CMSS1: variants seen among roughly 807,000 people sequenced by gnomAD.
CMSS1 encodes the protein protein CMSS1.
In CMSS1, 33 loss-of-function variants were observed where a neutral mutation model predicts 43.5. The ratio of observed to expected loss-of-function variants is 0.76; its 90% CI spans 0.57 to 1.01. The LOEUF (loss-of-function observed/expected upper bound fraction) is 1.01. Among genes scored for constraint, CMSS1 ranks in the 50% least tolerant of loss-of-function variants. CMSS1 has a pLI of 0.00. For synonymous variants in CMSS1, 115 were observed against 117.2 expected, an observed-to-expected ratio of 0.98 and a Z score of 0.12; for missense variants, 313 against 326.4, an observed-to-expected ratio of 0.96 and a Z score of 0.32.
intron 1 of CMSS1, among the ~76,000 whole-genome samples, chr3:100,102,405 A>G (rs2107459909): frequency 6.6e-6 from 1 of 152,330 alleles, no homozygotes; most frequent in Admixed American, 6.5e-5. Flanking sequence ...ATGGGATAAT[A>G]AGGAAAGAGA....
intron 1 of CMSS1, among the ~76,000 whole-genome samples, chr3:99,999,367 T>C (rs1709776882): frequency 6.6e-6 from 1 of 152,178 alleles, no homozygotes; most frequent in South Asian, 2.1e-4. Context: ...ATCAGAGTCA[T>C]AAGTATAGAG....
rs562690474 is a variant in CMSS1, at chr3:99,993,543, T to C, written c.65-153430T>C. ...ATAGGGGTGGTAAAAGTGGGCATCC[T>C]TGTCTTGTTCCAGTTCTTAGAGGGA... On this transcript the variant is annotated intron_variant, in intron 1 of 9. Coordinates refer to ENST00000421999, the MANE Select transcript of CMSS1 (RefSeq NM_032359.4). 2.6e-5 allele frequency among the ~76,000 whole-genome samples: 4 copies of C among 152,264 alleles called. No individual in the cohort carries two copies. In the East Asian group the frequency reaches 7.7e-4, roughly 29 times the overall value.
At chr3:99,876,117 C>T in intron 1 of CMSS1, 1 of 986,274 alleles carries the variant, frequency 1.0e-6, no homozygotes, top group South Asian at 4.6e-5. Context: ...GCCGGGGCCG[C>T]TGTAGTGCCG....
chr3:99,899,768 G>C (rs1474457257), intron 1 of CMSS1, among the ~76,000 whole-genome samples: 1 of 152,174 alleles, frequency 6.6e-6, no homozygotes, highest in Non-Finnish European at 1.5e-5. Context: ...TGATGAACCA[G>C]ACTCCCTGGG....
At chr3:99,902,602 T>C (rs905411326) in intron 1 of CMSS1, among the ~76,000 whole-genome samples, 2 of 152,196 alleles carry the variant, frequency 1.3e-5, no homozygotes, top group African/African-American at 4.8e-5. Flanking sequence ...GAAGAAACCT[T>C]GGATTATAGT....
At chr3:99,845,647 A>AAT (rs1943331389) in intron 1 of CMSS1, among the ~76,000 whole-genome samples, 1 of 152,202 alleles carries the variant, frequency 6.6e-6, no homozygotes, top group South Asian at 2.1e-4. Flanking sequence ...CACACAAAAA[A>AAT]ATATAAGAAA....
chr3:99,962,249 G>T (rs188770183), intron 1 of CMSS1, among the ~76,000 whole-genome samples: 135 of 152,240 alleles, frequency 8.9e-4, no homozygotes, highest in African/African-American at 3.1e-3. Context: ...GAAAACAGAT[G>T]CAGAAATGCT....
At chr3:99,939,696 C>T (rs1230270006) in intron 1 of CMSS1, among the ~76,000 whole-genome samples, 1 of 152,168 alleles carries the variant, frequency 6.6e-6, no homozygotes, top group African/African-American at 2.4e-5. Flanking sequence ...TTAATGAAAA[C>T]TTCTTCCAGT....
chr3:100,003,225 A>G (rs1315098339), intron 1 of CMSS1, among the ~76,000 whole-genome samples: 1 of 152,206 alleles, frequency 6.6e-6, no homozygotes, highest in Non-Finnish European at 1.5e-5. Context: ...CTTCATACCA[A>G]TGACCATGTG....
In CMSS1 at chr3:99,851,089, A is replaced by G. The variant is rs754920729; in HGVS notation, c.64+33046A>G. 9 of 1,544,712 alleles carry G rather than the reference A, an allele frequency of 5.8e-6. No homozygotes were observed. The East Asian group carries it at 1.8e-4, about 31-fold the overall frequency. On this transcript the variant is annotated intron_variant, in intron 1 of 9. Transcript: ENST00000421999. ...CTTTAATCTGAAAAATGTAAAGTGC[A>G]TTTTATTTTGTGATTGATGCTTTAG...
intron 1 of CMSS1, among the ~76,000 whole-genome samples, chr3:99,823,226 C>G (rs1942473945): frequency 6.6e-6 from 1 of 152,206 alleles, no homozygotes; most frequent in Non-Finnish European, 1.5e-5. Flanking sequence ...AGCAGCTTTT[C>G]CATTTGGGCT....
At chr3:100,091,493 T>C (rs544186144) in intron 1 of CMSS1, among the ~76,000 whole-genome samples, 1 of 152,232 alleles carries the variant, frequency 6.6e-6, no homozygotes, top group Non-Finnish European at 1.5e-5. Flanking sequence ...AGATGCATGC[T>C]GATAAATGCT....
At chr3:100,149,558 G>A (rs1236470452) in intron 2 of CMSS1, among the ~76,000 whole-genome samples, 1 of 152,132 alleles carries the variant, frequency 6.6e-6, no homozygotes, top group East Asian at 1.9e-4. Flanking sequence ...GCTTTGAAGA[G>A]TCCAAGTCCT....
chr3:99,880,691 T>A (rs1026187047), intron 1 of CMSS1, among the ~76,000 whole-genome samples: 7 of 151,554 alleles, frequency 4.6e-5, no homozygotes, highest in African/African-American at 7.3e-5. Context: ...TAATTTAAAA[T>A]TTTTTTTATT....
chr3:100,055,416 A>C (rs1036131943), intron 1 of CMSS1, among the ~76,000 whole-genome samples: 8 of 152,218 alleles, frequency 5.3e-5, no homozygotes, highest in Admixed American at 4.6e-4. Flanking sequence ...GGAAATTCCT[A>C]GGACATGTTA....
At chr3:99,907,229 A>G (rs1388263367) in intron 1 of CMSS1, among the ~76,000 whole-genome samples, 4 of 151,908 alleles carry the variant, frequency 2.6e-5, no homozygotes, top group Non-Finnish European at 5.9e-5. Flanking sequence ...TATCTTAACT[A>G]CCTATTACCC....
chr3:99,974,997 A>G (rs1708927211), intron 1 of CMSS1, among the ~76,000 whole-genome samples: 1 of 152,186 alleles, frequency 6.6e-6, no homozygotes, highest in African/African-American at 2.4e-5. Context: ...TCATTAAGAC[A>G]CATTTATGAC....
chr3:99,833,937 G>A (rs1942790919), intron 1 of CMSS1, among the ~76,000 whole-genome samples: 1 of 152,252 alleles, frequency 6.6e-6, no homozygotes, highest in Non-Finnish European at 1.5e-5. Flanking sequence ...AAGTATATAA[G>A]CAATGATGAT....
Position 99,817,868 on chromosome 3 carries a change from TA to T in CMSS1, c.-111del. ...GCCGCGGGGCGGAGGCGACAGTGTC[TA>T]GCGGGAGCTCCGCGTGTAGCTACGC... On this transcript the variant is annotated 5_prime_UTR_variant, in exon 1 of 10. Transcript: ENST00000421999. 9.0e-7 allele frequency: 1 copy of T among 1,109,856 alleles called. No individual in the cohort carries two copies. The highest frequency in any genetic ancestry group is 1.3e-6 in the Non-Finnish European group (1 of 753,922). The allele number at this position is 1,109,856 out of a possible 1,614,324, so 68.8% of individuals were successfully genotyped here. A position where few individuals can be genotyped will look rare whatever the true frequency, so the allele number is the denominator to read the frequency against.
Sources: gnomAD v4.1 joint callset for allele counts (sites outside exome capture counted in the v4.1 genomes callset) on GRCh38, gnomAD v4.1.1 for gene constraint, MANE v1.5 for transcripts, NCBI Gene and HGNC (gene_info 2026-07-23, HGNC 2026-07-21) for gene names.